Variants in SEMA6D observed in about 807,000 individuals in gnomAD.
SEMA6D encodes the protein semaphorin 6D.
Under a neutral mutation model 106.6 loss-of-function variants are expected in SEMA6D, and 35 were observed. The ratio of observed to expected loss-of-function variants is 0.33; its 90% CI spans 0.25 to 0.44. SEMA6D has a LOEUF of 0.44. SEMA6D is among the 20% of genes least tolerant of loss of function. SEMA6D has a pLI of 1.00. For missense variants in SEMA6D, 1,185 were observed against 1,345.9 expected (o/e 0.88, Z 1.87); for synonymous variants, 499 against 487.7 (o/e 1.02, Z -0.31).
intron 1 of SEMA6D, among the ~76,000 whole-genome samples, chr15:47,296,455 G>C (rs761401622): frequency 3.9e-5 from 6 of 152,322 alleles, no homozygotes; most frequent in Admixed American, 1.3e-4. Context: ...CCATGGCTGT[G>C]TGTGCAACTG....
chr15:47,395,985 T>G (rs1331564464), intron 1 of SEMA6D, among the ~76,000 whole-genome samples: 1 of 152,122 alleles, frequency 6.6e-6, no homozygotes, highest in African/African-American at 2.4e-5. Context: ...TCAGATGATG[T>G]CTTGAGGGTG....
At chr15:47,426,791 A>G (rs1421282836) in intron 2 of SEMA6D, among the ~76,000 whole-genome samples, 7 of 152,136 alleles carry the variant, frequency 4.6e-5, no homozygotes, top group African/African-American at 1.4e-4. Context: ...AATATGTTTT[A>G]TAATATCCTA....
intron 1 of SEMA6D, among the ~76,000 whole-genome samples, chr15:47,255,961 C>T (rs781065586): frequency 1.1e-4 from 16 of 152,136 alleles, no homozygotes; most frequent in Non-Finnish European, 2.1e-4. Flanking sequence ...TATCTTTGCT[C>T]TCTTGAATTG....
chr15:47,281,987 C>G (rs796924486), intron 1 of SEMA6D, among the ~76,000 whole-genome samples: 6 of 152,142 alleles, frequency 3.9e-5, no homozygotes, highest in Admixed American at 3.9e-4. Flanking sequence ...TAGTTTTACA[C>G]TATACCCTAT....
chr15:47,435,586 C>G (rs943386613), intron 2 of SEMA6D, among the ~76,000 whole-genome samples: 1 of 152,060 alleles, frequency 6.6e-6, no homozygotes, highest in Admixed American at 6.6e-5. Flanking sequence ...TTGAAATGCT[C>G]CAGCTCAGTG....
intron 1 of SEMA6D, among the ~76,000 whole-genome samples, chr15:47,390,946 G>GA (rs2040008695): frequency 1.3e-5 from 2 of 152,062 alleles, no homozygotes; most frequent in Non-Finnish European, 2.9e-5. Flanking sequence ...AGTTTGCAAA[G>GA]GTGCACATGC....
chr15:47,530,400 A>G (rs1225098636), intron 3 of SEMA6D, among the ~76,000 whole-genome samples: 1 of 152,254 alleles, frequency 6.6e-6, no homozygotes, highest in African/African-American at 2.4e-5. Context: ...TTAAAACAAC[A>G]AAATTAAGAA....
intron 3 of SEMA6D, among the ~76,000 whole-genome samples, chr15:47,491,061 A>G (rs948631705): frequency 1.3e-5 from 2 of 152,206 alleles, no homozygotes; most frequent in Admixed American, 6.5e-5. Context: ...AAAGTTCAAC[A>G]TTCACATACC....
At chr15:47,764,502 G>A in intron 11 of SEMA6D, 136 bp from the exon 12 acceptor site, 1 of 1,312,488 alleles carries the variant, frequency 7.6e-7, no homozygotes, top group Admixed American at 2.2e-5. Flanking sequence ...CAGGGGCATA[G>A]CATTGCTCCT....
chr15:47,638,092 ATT>A (rs1301876173), intron 4 of SEMA6D, among the ~76,000 whole-genome samples: 1 of 149,120 alleles, frequency 6.7e-6, no homozygotes, highest in African/African-American at 2.5e-5. Flanking sequence ...TTGTTTTCTA[ATT>A]TTATTTTGTG....
chr15:47,505,195 C>G (rs944776153), intron 3 of SEMA6D, among the ~76,000 whole-genome samples: 1 of 152,258 alleles, frequency 6.6e-6, no homozygotes, highest in East Asian at 1.9e-4. Context: ...CCCACCTCTT[C>G]TAGTTGGTCC....
chr15:47,584,327 GC>G (rs1243502927), intron 3 of SEMA6D, among the ~76,000 whole-genome samples: 1 of 152,082 alleles, frequency 6.6e-6, no homozygotes, highest in Non-Finnish European at 1.5e-5. Flanking sequence ...GGAGGCTGAG[GC>G]AGGATAATCG....
At chr15:47,605,393 G>A (rs935363928) in intron 4 of SEMA6D, 1 of 152,222 alleles carries the variant, frequency 6.6e-6, no homozygotes, top group African/African-American at 2.4e-5. Context: ...AAGAGAACAA[G>A]CAATAAATCT....
At chr15:47,306,132 C>T (rs923502322) in intron 1 of SEMA6D, among the ~76,000 whole-genome samples, 1 of 152,052 alleles carries the variant, frequency 6.6e-6, no homozygotes, top group African/African-American at 2.4e-5. Context: ...CAGGCACACA[C>T]CACCATGCCC....
intron 1 of SEMA6D, chr15:47,380,559 T>A (rs1243347166): frequency 2.6e-5 from 4 of 152,246 alleles, no homozygotes; most frequent in Non-Finnish European, 5.9e-5. Flanking sequence ...TATTCATATT[T>A]AATTCGTTAG....
chr15:47,284,511 T>C (rs1267746093), intron 1 of SEMA6D, among the ~76,000 whole-genome samples: 1 of 152,218 alleles, frequency 6.6e-6, no homozygotes, highest in South Asian at 2.1e-4. Flanking sequence ...TAGGTTGTAC[T>C]GTAAATTTGA....
chr15:47,219,739 G>C lies in SEMA6D; in HGVS notation c.-239+35321G>C, dbSNP rs78185271. 3.7e-3 allele frequency among the ~76,000 whole-genome samples: 563 copies of C among 152,304 alleles called. 1 individual carries two copies. The highest frequency in any genetic ancestry group is 6.1e-3 in the Non-Finnish European group (416 of 68,030). On this transcript the variant is annotated intron_variant, in intron 1 of 19. Transcript: ENST00000558014. ...ACATAACAAACCACCCTCAAAAGCG[G>C]TGTTTGAAAATATCATCCATGTATT...
At chr15:47,504,534 C>T (rs1000215913) in intron 3 of SEMA6D, among the ~76,000 whole-genome samples, 3 of 152,132 alleles carry the variant, frequency 2.0e-5, no homozygotes, top group Non-Finnish European at 4.4e-5. Flanking sequence ...AATAAGACCC[C>T]TTTGCCCTCC....
chr15:47,643,987 C>T (rs1317978198), intron 4 of SEMA6D, among the ~76,000 whole-genome samples: 1 of 152,298 alleles, frequency 6.6e-6, no homozygotes, highest in East Asian at 1.9e-4. Flanking sequence ...TTAGCTCCCA[C>T]ATATGAGTGA....
Sources: gnomAD v4.1 joint callset for allele counts (sites outside exome capture counted in the v4.1 genomes callset) on GRCh38, gnomAD v4.1.1 for gene constraint, MANE v1.5 for transcripts, NCBI Gene and HGNC (gene_info 2026-07-23, HGNC 2026-07-21) for gene names.